Variants in RALGAPA1 observed in about 807,000 individuals in gnomAD.
The protein encoded by RALGAPA1 is Ral GTPase activating protein catalytic subunit alpha 1, also known as ral GTPase-activating protein subunit alpha-1.
RALGAPA1 carries 52 observed loss-of-function variants against 269.6 expected under a neutral mutation model. The ratio of observed to expected loss-of-function variants is 0.19; its 90% confidence interval spans 0.15 to 0.24. RALGAPA1 has a LOEUF of 0.24. RALGAPA1 is among the 10% of genes least tolerant of loss of function. The pLI, the probability that RALGAPA1 is intolerant of heterozygous loss-of-function variation, is 1.00. For synonymous variants in RALGAPA1, 817 were observed against 1,008.3 expected (o/e 0.81, Z 3.60); for missense variants, 1,917 against 3,013.9 (o/e 0.64, Z 8.52).
In RALGAPA1 at chr14:35,685,003, C is replaced by T; in HGVS notation, c.4220G>A (p.Ser1407Asn). The change falls in exon 20 of 42, where the codon AGC (serine) becomes AAC (asparagine). Residue 1407 changes from serine to asparagine, a missense_variant. By Grantham distance (46) the Ser-to-Asn change is conservative (BLOSUM62 1). Transcript: ENST00000680220. ...ACTATCTGAGCTGATAAGATCACTG[C>T]TCCCTGCACTGGCAGGAGAAGTCCA... ...SEWTSPASAG[S>N]SDLISSDSHS... 6.2e-7 allele frequency: 1 copy of T among 1,613,036 alleles called. No individual in the cohort carries two copies. Among genetic ancestry groups the T allele is most frequent in the Non-Finnish European group, 8.5e-7 (1 of 1,179,648 alleles).
At chr14:35,656,309 T>C (rs2063173440) in intron 28 of RALGAPA1, among the ~76,000 whole-genome samples, 1 of 152,216 alleles carries the variant, frequency 6.6e-6, no homozygotes, top group African/African-American at 2.4e-5. Flanking sequence ...TGATGGAATA[T>C]GTTAAATATT....
At chr14:35,541,653 G>GA in intron 41 of RALGAPA1, 1 of 445,154 alleles carries the variant, frequency 2.2e-6, no homozygotes, top group Middle Eastern at 3.4e-4. Context: ...ATGGCAGAAG[G>GA]AAAGTGAAGA....
chr14:35,725,562 C>G (rs914326498), intron 13 of RALGAPA1, among the ~76,000 whole-genome samples: 1 of 152,128 alleles, frequency 6.6e-6, no homozygotes, highest in African/African-American at 2.4e-5. Flanking sequence ...ATAACTATAT[C>G]AAATCAATCA....
At chr14:35,683,558 T>C (rs1377843561) in intron 21 of RALGAPA1, 1 of 292,638 alleles carries the variant, frequency 3.4e-6, no homozygotes, top group Non-Finnish European at 6.4e-6. Flanking sequence ...CTGCAGAAAA[T>C]GTTCTAGTGC....
intron 15 of RALGAPA1, among the ~76,000 whole-genome samples, chr14:35,722,248 CATA>C (rs1039611320): frequency 3.9e-5 from 6 of 152,174 alleles, no homozygotes; most frequent in African/African-American, 1.2e-4. Flanking sequence ...AGTTTGAGTA[CATA>C]ATACCCTGGA....
intron 31 of RALGAPA1, among the ~76,000 whole-genome samples, chr14:35,645,807 T>G (rs2062402047): frequency 6.6e-6 from 1 of 152,000 alleles, no homozygotes; most frequent in East Asian, 1.9e-4. Flanking sequence ...AAACACCATT[T>G]GCCACTTAAC....
chr14:35,692,004 G>T (rs961040952), intron 17 of RALGAPA1, among the ~76,000 whole-genome samples: 2 of 151,986 alleles, frequency 1.3e-5, no homozygotes, highest in Admixed American at 1.3e-4. Flanking sequence ...CTCATTAAGC[G>T]TTTGTTAATA....
At chr14:35,688,427 C>A in intron 18 of RALGAPA1, 32 bp downstream of exon 18, 3 of 1,536,052 alleles carry the variant, frequency 2.0e-6, no homozygotes, top group Non-Finnish European at 2.6e-6. Flanking sequence ...CTGTCTTTCT[C>A]CTTTTGCGCT....
rs764663396 is a variant in RALGAPA1, at chr14:35,750,618, T to C, written c.875A>G (p.Tyr292Cys). ...CTTAATGAAAGGCTCCTTTGTACAA[T>C]AGATTGCTTCATTGGTTTCAGCATC... ...KKDAETNEAI[Y>C]CTKEPFIKAR... The change falls in exon 9 of 42, where the codon TAT becomes TGT. Residue 292 changes from tyrosine (Y) to cysteine (C), a missense_variant. Around this residue, in one of 11 missense-constraint regions of RALGAPA1, gnomAD observed 462 missense variants for 725.6 expected, o/e 0.64. Coordinates refer to ENST00000680220, the MANE Select transcript of RALGAPA1 (RefSeq NM_001346249.2). 1.7e-5 allele frequency: 27 copies of C among 1,613,276 alleles called. No homozygotes were observed. The highest frequency in any genetic ancestry group is 8.9e-5 in the East Asian group (4 of 44,842).
At chr14:35,619,253 T>C (rs1040469051) in intron 35 of RALGAPA1, among the ~76,000 whole-genome samples, 1 of 152,096 alleles carries the variant, frequency 6.6e-6, no homozygotes, top group Non-Finnish European at 1.5e-5. Flanking sequence ...ACAACTAGAA[T>C]GTAACAAAAA....
At chr14:35,647,815 G>C (rs1594961458) in intron 31 of RALGAPA1, among the ~76,000 whole-genome samples, 2 of 152,074 alleles carry the variant, frequency 1.3e-5, no homozygotes, top group East Asian at 3.9e-4. Flanking sequence ...TAGCATAGTG[G>C]TGTGTGCTTG....
intron 10 of RALGAPA1, among the ~76,000 whole-genome samples, chr14:35,745,422 G>GACAGACACAC (rs1555426002): frequency 2.0e-5 from 3 of 146,682 alleles, no homozygotes; most frequent in African/African-American, 5.0e-5. Flanking sequence ...CACACAGACA[G>GACAGACACAC]ACACACACAC....
At chr14:35,758,949 C>T (rs1328261421) in intron 6 of RALGAPA1, among the ~76,000 whole-genome samples, 1 of 151,928 alleles carries the variant, frequency 6.6e-6, no homozygotes, top group Non-Finnish European at 1.5e-5. Context: ...CCCATCTCTA[C>T]AAAAAATTTT....
chr14:35,685,763 G>A (rs1376495078), intron 19 of RALGAPA1, among the ~76,000 whole-genome samples: 4 of 152,076 alleles, frequency 2.6e-5, no homozygotes, highest in Non-Finnish European at 5.9e-5. Flanking sequence ...AATTATCCAG[G>A]CATGGTGGTG....
At chr14:35,578,041 C>T (rs1226447705) in intron 37 of RALGAPA1, among the ~76,000 whole-genome samples, 1 of 152,114 alleles carries the variant, frequency 6.6e-6, no homozygotes, top group African/African-American at 2.4e-5. Flanking sequence ...TTTTTCTCTT[C>T]CTTCCCTCCT....
intron 37 of RALGAPA1, among the ~76,000 whole-genome samples, chr14:35,593,446 A>C (rs2058750826): frequency 6.6e-6 from 1 of 152,182 alleles, no homozygotes; most frequent in Non-Finnish European, 1.5e-5. Context: ...TAAAAACTCC[A>C]ATGGCATTTT....
rs117433494 is a variant in RALGAPA1 at position 35,636,151 on chromosome 14, T to C, written c.5677-553A>G. Reference sequence around the variant, plus strand: ...GCCTTGAACTCTTGGGCTCAGGCAATATTCCAGCCTCAGACTTCCAAATAG... The same window carrying C: ...GCCTTGAACTCTTGGGCTCAGGCAACATTCCAGCCTCAGACTTCCAAATAG... On this transcript the variant is annotated intron_variant, in intron 31 of 41. Transcript: ENST00000680220. 6.3e-3 allele frequency among the ~76,000 whole-genome samples: 953 copies of C among 152,186 alleles called. 23 individuals carry two copies. The highest frequency in any genetic ancestry group is 0.034 in the East Asian group (177 of 5,168).
At chr14:35,650,611 C>A (rs556443433) in intron 31 of RALGAPA1, among the ~76,000 whole-genome samples, 1 of 152,082 alleles carries the variant, frequency 6.6e-6, no homozygotes, top group South Asian at 2.1e-4. Flanking sequence ...ACTATGAAAG[C>A]CTCATGTATG....
At chr14:35,674,137 T>C (rs1032171140) in intron 24 of RALGAPA1, 43 bp downstream of exon 24, 1 of 1,421,714 alleles carries the variant, frequency 7.0e-7, no homozygotes, top group Non-Finnish European at 9.7e-7. Context: ...TAAGATTTAG[T>C]AAATGAGAAG....
Sources: allele counts gnomAD v4.1 joint callset (sites outside exome capture counted in the v4.1 genomes callset), GRCh38; gene constraint gnomAD v4.1.1; regional missense constraint gnomAD v4.1.1; transcripts MANE v1.5; gene names NCBI Gene and HGNC (gene_info 2026-07-23, HGNC 2026-07-21).